TUSC3: variants seen among roughly 807,000 people sequenced by gnomAD.
TUSC3 encodes the protein tumor suppressor candidate 3.
TUSC3 carries 45 observed loss-of-function variants against 44.8 expected under a neutral mutation model. The ratio of observed to expected loss-of-function variants is 1.00; its 90% CI spans 0.79 to 1.29. The LOEUF (loss-of-function observed/expected upper bound fraction) is 1.29. TUSC3 is among the 50% of genes most tolerant of loss of function. TUSC3 has a pLI of 0.00. For missense variants in TUSC3, 519 were observed against 437.9 expected (o/e 1.19, Z -1.65); for synonymous variants, 212 against 152.9 (o/e 1.39, Z -2.85).
chr8:15,610,936 T>A (rs1243816908), intron 1 of TUSC3, among the ~76,000 whole-genome samples: 1 of 152,148 alleles, frequency 6.6e-6, no homozygotes, highest in Non-Finnish European at 1.5e-5. Flanking sequence ...TTACTGGACT[T>A]ATTTTTAATA....
At chr8:15,572,399 C>G (rs1802911652) in intron 1 of TUSC3, among the ~76,000 whole-genome samples, 1 of 152,104 alleles carries the variant, frequency 6.6e-6, no homozygotes, top group South Asian at 2.1e-4. Context: ...GACTTAGGGC[C>G]TTGTTCTGAA....
the TUSC3 span, among the ~76,000 whole-genome samples, chr8:15,785,019 A>G: frequency 3.3e-5 from 5 of 151,946 alleles, no homozygotes; most frequent in African/African-American, 1.2e-4. Flanking sequence ...ATATATATAT[A>G]TATACACACA....
upstream of TUSC3, among the ~76,000 whole-genome samples, chr8:15,536,681 C>CAAAAAAAAAAAAAA (rs570573410): frequency 3.5e-4 from 16 of 45,602 alleles, 3 homozygotes; most frequent in African/African-American, 5.2e-4. Flanking sequence ...GATTCCGTCT[C>CAAAAAAAAAAAAAA]AAAAAAAAAA....
chr8:15,824,745 G>C, the TUSC3 span, among the ~76,000 whole-genome samples: 5 of 152,230 alleles, frequency 3.3e-5, no homozygotes, highest in Admixed American at 3.3e-4. Context: ...AAAACTTAAA[G>C]TGTAATAAAA....
At chr8:15,847,529 C>G in the TUSC3 span, among the ~76,000 whole-genome samples, 2 of 152,222 alleles carry the variant, frequency 1.3e-5, no homozygotes, top group East Asian at 3.9e-4. Context: ...TACGTTCTAC[C>G]TAGGTGACAT....
the TUSC3 span, among the ~76,000 whole-genome samples, chr8:15,803,651 T>G: frequency 6.6e-6 from 1 of 152,188 alleles, no homozygotes; most frequent in South Asian, 2.1e-4. Flanking sequence ...CCTATCAACC[T>G]GTCATGTAGG....
chr8:15,840,535 A>G, the TUSC3 span, among the ~76,000 whole-genome samples: 1 of 152,178 alleles, frequency 6.6e-6, no homozygotes, highest in Non-Finnish European at 1.5e-5. Context: ...TAAAATGTCA[A>G]TTTAGTGAAA....
rs530126753 is a variant in TUSC3 at position 15,461,500 on chromosome 8, C to G, written n.92-21886C>G. ...GCAAACAGTGAGGGTTTGACTTCCT[C>G]TTAAACAATTTGGATGCCTTTTATT... On this transcript the variant is annotated intron_variant and non_coding_transcript_variant, in intron 1 of 5. Coordinates refer to the TUSC3 transcript ENST00000503191. Among the ~76,000 whole-genome samples the G allele has an allele frequency of 2.0e-5, 3 of 152,122 alleles. No homozygotes were observed. In the South Asian group the frequency reaches 6.2e-4, roughly 32 times the overall value.
intron 1 of TUSC3, among the ~76,000 whole-genome samples, chr8:15,573,158 TTCTCTCTCTTTCTCTC>T (rs1238111159): frequency 9.0e-6 from 1 of 110,760 alleles, no homozygotes; most frequent in African/African-American, 3.7e-5. Flanking sequence ...CAGTATAGTG[TTCTCTCTCTTTCTCTC>T]TCTCTCTCTC....
intron 1 of TUSC3, among the ~76,000 whole-genome samples, chr8:15,450,680 A>C (rs909944111): frequency 1.6e-4 from 24 of 152,188 alleles, no homozygotes; most frequent in African/African-American, 5.3e-4. Flanking sequence ...AAAAATAAAT[A>C]AGTAAAAATA....
At chr8:15,774,385 A>T in the TUSC3 span, among the ~76,000 whole-genome samples, 1 of 152,250 alleles carries the variant, frequency 6.6e-6, no homozygotes, top group East Asian at 1.9e-4. Context: ...GTGCCCTTGT[A>T]AGAAGGAAGC....
At chr8:15,741,324 C>T (rs780423476) in intron 7 of TUSC3, among the ~76,000 whole-genome samples, 1 of 152,116 alleles carries the variant, frequency 6.6e-6, no homozygotes, top group Non-Finnish European at 1.5e-5. Context: ...GAGGAAGCTG[C>T]TTATTAGATG....
intron 1 of TUSC3, among the ~76,000 whole-genome samples, chr8:15,586,757 C>G (rs1337904934): frequency 6.6e-6 from 1 of 152,044 alleles, no homozygotes; most frequent in African/African-American, 2.4e-5. Context: ...GGGTTGATAC[C>G]GACAAGCATT....
intron 7 of TUSC3, chr8:15,733,351 GTTTT>G (rs35411856): frequency 5.7e-6 from 2 of 353,286 alleles, no homozygotes; most frequent in Non-Finnish European, 1.1e-5. Flanking sequence ...GCTTCTTTTT[GTTTT>G]TTTTTTTTTC....
the TUSC3 span, among the ~76,000 whole-genome samples, chr8:15,840,336 C>T: frequency 2.6e-5 from 4 of 152,092 alleles, no homozygotes; most frequent in African/African-American, 7.2e-5. Context: ...TGTAACAAAC[C>T]TGCACGTTGT....
chr8:15,799,831 C>G, the TUSC3 span, among the ~76,000 whole-genome samples: 3 of 152,128 alleles, frequency 2.0e-5, no homozygotes, highest in African/African-American at 7.2e-5. Flanking sequence ...GTCGATAGAC[C>G]TCATAAGACC....
chr8:15,667,517 T>A (rs563325126), intron 5 of TUSC3, among the ~76,000 whole-genome samples: 2 of 151,856 alleles, frequency 1.3e-5, no homozygotes, highest in East Asian at 3.9e-4. Flanking sequence ...AACATTTTTA[T>A]ATTTTAAAAA....
chr8:15,788,916 G>A, the TUSC3 span, among the ~76,000 whole-genome samples: 2 of 152,182 alleles, frequency 1.3e-5, no homozygotes, highest in African/African-American at 4.8e-5. Context: ...GGTACAAGAT[G>A]AGTCTCATTG....
intron 1 of TUSC3, among the ~76,000 whole-genome samples, chr8:15,462,367 C>G (rs1355234714): frequency 6.6e-6 from 1 of 152,042 alleles, no homozygotes; most frequent in African/African-American, 2.4e-5. Flanking sequence ...AAAGACATTT[C>G]TCCAAAGAAT....
Sources: allele counts gnomAD v4.1 joint callset (sites outside exome capture counted in the v4.1 genomes callset), GRCh38; gene constraint gnomAD v4.1.1; transcripts MANE v1.5; gene names NCBI Gene and HGNC (gene_info 2026-07-23, HGNC 2026-07-21).